Variants in NEB observed in about 807,000 individuals in gnomAD.
The protein encoded by NEB is nemaline myopathy type 2.
NEB carries 512 observed loss-of-function variants against 952.2 expected under a neutral mutation model. The ratio of observed to expected loss-of-function variants is 0.54; its 90% confidence interval spans 0.50 to 0.58. NEB has a LOEUF of 0.58. Among genes scored for constraint, NEB ranks in the 20% least tolerant of loss-of-function variants. NEB has a pLI of 0.00. For missense variants in NEB, 8,428 were observed against 9,231.1 expected (o/e 0.91, Z 3.56); for synonymous variants, 2,900 against 3,149.8 (o/e 0.92, Z 2.66).
At chr2:151,623,830 A>G (rs1033721023) in intron 71 of NEB, among the ~76,000 whole-genome samples, 3 of 152,200 alleles carry the variant, frequency 2.0e-5, no homozygotes, top group African/African-American at 4.8e-5. Flanking sequence ...TAAAAATGGT[A>G]TAAGTGGGAA....
chr2:151,527,336 C>CGCT, intron 147 of NEB, 145 bp downstream of exon 147: 1 of 723,144 alleles, frequency 1.4e-6, no homozygotes. Context: ...GCTCGCCTAT[C>CGCT]GCTCCCCCAA....
chr2:151,612,517 C>T (rs1348923402), intron 77 of NEB, 128 bp from the exon 78 acceptor site: 6 of 936,094 alleles, frequency 6.4e-6, no homozygotes, highest in Non-Finnish European at 9.6e-6. Context: ...GGAAGACCCA[C>T]AGGATTGCTT....
Position 151,524,165 on chromosome 2 carries a change from G to A in NEB, c.22479+146C>T. ...AGAGGGAAACGAGAAAAGGCCCTCAGTGCACTTTTTATAACTCTTGGAAGC... is the reference window on the plus strand; with the variant it reads ...AGAGGGAAACGAGAAAAGGCCCTCAATGCACTTTTTATAACTCTTGGAAGC... On this transcript the variant is annotated intron_variant, in intron 153 of 181. Transcript: ENST00000397345. 7 of 670,216 alleles carry A rather than the reference G, an allele frequency of 1.0e-5. No homozygotes were observed. In the South Asian group the frequency reaches 1.4e-4, roughly 13 times the overall value. The allele number at this position is 670,216 out of a possible 1,614,324, so 41.5% of individuals were successfully genotyped here. A position where few individuals can be genotyped will look rare whatever the true frequency, so the allele number is the denominator to read the frequency against.
intron 52 of NEB, among the ~76,000 whole-genome samples, chr2:151,652,002 G>A (rs1017203841): frequency 2.0e-5 from 3 of 152,114 alleles, no homozygotes; most frequent in African/African-American, 7.2e-5. Context: ...AGAATGATCA[G>A]AAGATTGAAG....
intron 44 of NEB, 22 bp from the exon 45 acceptor site, chr2:151,663,881 T>A (rs778325993): frequency 6.3e-7 from 1 of 1,596,508 alleles, no homozygotes; most frequent in African/African-American, 1.3e-5. Context: ...GAAGAAATTA[T>A]GGTGATGAAA....
At position 151,568,358 on chromosome 2, in the gene NEB, G is replaced by C; in HGVS notation, c.17694C>G (p.Pro5898=). The C allele has an allele frequency of 6.2e-7, 1 of 1,613,714 alleles. No homozygotes were observed. The highest frequency in any genetic ancestry group is 1.1e-5 in the South Asian group (1 of 91,076). The change falls in exon 112 of 182, where the codon CCC becomes CCG. Residue 5898 remains proline, a synonymous_variant. Transcript: ENST00000397345. ...CAGCCTCCTGGGCAGTGTGCAGCAG[G>C]GGGGTTTCTGTGAGGGTGTACTTTG... ...TKSKYTLTET[P]LLHTAQEAAR...
Position 151,494,369 on chromosome 2 carries a change from A to G in NEB, c.24487-116T>C, listed in dbSNP as rs973775933. 23 of 699,128 alleles carry G rather than the reference A, an allele frequency of 3.3e-5. 1 individual carries two copies. In the African/African-American group the frequency reaches 3.5e-4, roughly 11 times the overall value. 43.3% of individuals were successfully genotyped at this position (699,128 alleles called of 1,614,324 possible). On this transcript the variant is annotated intron_variant, in intron 173 of 181. Coordinates refer to ENST00000397345, the MANE Select transcript of NEB (RefSeq NM_001164508.2). ...TTTAGGGCCCCAAACCATTTGGGCAATTAGGTTAGATGGAAAGTAGTATGT... is the reference window on the plus strand; with the variant it reads ...TTTAGGGCCCCAAACCATTTGGGCAGTTAGGTTAGATGGAAAGTAGTATGT...
intron 4 of NEB, 100 bp downstream of exon 4, chr2:151,729,515 T>C: frequency 7.5e-7 from 1 of 1,328,346 alleles, no homozygotes. Context: ...TGTCAGATAA[T>C]CCCTTTTGCC....
Position 151,725,474 on chromosome 2 carries a change from T to C in NEB, c.381A>G (p.Lys127=), listed in dbSNP as rs2150795979. The change falls in exon 6 of 182, where the codon AAA becomes AAG. Residue 127 remains lysine (K), a synonymous_variant. Coordinates refer to ENST00000397345, the MANE Select transcript of NEB (RefSeq NM_001164508.2). ...TDTPELRRIK[K]VQDQLSEVKY... ...CCACCTCACTGAGTTGATCTTGTAC[T>C]TTTTTGATTCTGCGAAGTTCTGGAG... is the stretch of plus-strand genomic sequence containing the variant. The C allele has an allele frequency of 6.2e-7, 1 of 1,613,102 alleles. No individual in the cohort carries two copies. Among genetic ancestry groups the C allele is most frequent in the Non-Finnish European group, 8.5e-7 (1 of 1,179,292 alleles).
chr2:151,677,433 T>C (rs2099375036), intron 34 of NEB, 132 bp downstream of exon 34: 1 of 690,174 alleles, frequency 1.4e-6, no homozygotes, highest in Non-Finnish European at 2.1e-6. Context: ...CTGTAATTTT[T>C]AAAAAATTAA....
At chr2:151,730,888 T>C (rs965648241) in intron 3 of NEB, among the ~76,000 whole-genome samples, 2 of 152,196 alleles carry the variant, frequency 1.3e-5, no homozygotes, top group Non-Finnish European at 2.9e-5. Flanking sequence ...ATTGTTTTAA[T>C]TTAAAATCTA....
At chr2:151,614,947 T>A (rs866983423) in intron 76 of NEB, among the ~76,000 whole-genome samples, 2 of 152,204 alleles carry the variant, frequency 1.3e-5, no homozygotes, top group South Asian at 2.1e-4. Context: ...TAACAGTTAT[T>A]TTCCCAAAAC....
intron 24 of NEB, 30 bp from the exon 25 acceptor site, chr2:151,688,426 A>G (rs776570398): frequency 6.4e-7 from 1 of 1,556,684 alleles, no homozygotes; most frequent in South Asian, 1.1e-5. Context: ...TGAACGGTTC[A>G]GGGGAACTTC....
At chr2:151,491,548 A>G in intron 179 of NEB, 135 bp downstream of exon 179, 1 of 762,394 alleles carries the variant, frequency 1.3e-6, no homozygotes, top group Non-Finnish European at 2.2e-6. Flanking sequence ...TTAACAAGGT[A>G]TTTTTATGCC....
chr2:151,713,290 C>G (rs1215224896), intron 10 of NEB, among the ~76,000 whole-genome samples: 5 of 152,196 alleles, frequency 3.3e-5, no homozygotes, highest in African/African-American at 1.2e-4. Flanking sequence ...AGGGGCTAAG[C>G]ACTGGGACTC....
At chr2:151,503,502 G>T in intron 165 of NEB, 61 bp from the exon 166 acceptor site, 1 of 1,110,274 alleles carries the variant, frequency 9.0e-7, no homozygotes, top group Non-Finnish European at 1.4e-6. Flanking sequence ...TTAGATAGCA[G>T]CCACATGTGG....
intron 77 of NEB, 66 bp from the exon 78 acceptor site, chr2:151,612,455 T>G (rs2098018781): frequency 7.3e-7 from 1 of 1,370,062 alleles, no homozygotes; most frequent in East Asian, 2.4e-5. Context: ...TGATCCTGAT[T>G]TAACATACAC....
At chr2:151,725,053 T>C (rs566260207) in intron 6 of NEB, 92 bp from the exon 7 acceptor site, 1 of 935,760 alleles carries the variant, frequency 1.1e-6, no homozygotes, top group East Asian at 2.5e-5. Context: ...ATTACCCCAA[T>C]GACTCTAGGT....
Position 151,527,582 on chromosome 2 carries a change from C to G in NEB, c.21739G>C (p.Asp7247His), listed in dbSNP as rs1422204268. Residue 7247 changes from aspartate (D) to histidine (H), a missense_variant, in exon 147 of 182, where the codon GAC becomes CAC. Transcript: ENST00000397345. The part of the protein sequence containing the change: ...KDAYKVNTNL[D>H]YKKQYEANKA... ...TTGGCTTCGTACTGTTTCTTATAGT[C>G]CAGCTGTTTTTAACAGGAGAGAAAG... 2 of 1,609,854 alleles carry G rather than the reference C, an allele frequency of 1.2e-6. No individual in the cohort carries two copies. The highest frequency in any genetic ancestry group is 1.7e-6 in the Non-Finnish European group (2 of 1,177,728).
Sources: allele counts gnomAD v4.1 joint callset (sites outside exome capture counted in the v4.1 genomes callset), GRCh38; gene constraint gnomAD v4.1.1; transcripts MANE v1.5; gene names NCBI Gene and HGNC (gene_info 2026-07-23, HGNC 2026-07-21).